Variants in VAV3 observed in about 807,000 individuals in gnomAD.
VAV3 encodes the protein vav guanine nucleotide exchange factor 3.
VAV3 carries 94 observed loss-of-function variants against 131.2 expected under a neutral mutation model. The ratio of observed to expected loss-of-function variants is 0.72; its 90% CI spans 0.61 to 0.85. The LOEUF (loss-of-function observed/expected upper bound fraction) is 0.85, where lower values mean the gene tolerates loss of function less well. Among genes scored for constraint, VAV3 ranks in the 40% least tolerant of loss-of-function variants. The pLI is 0.00. For synonymous variants in VAV3, 349 were observed against 342.0 expected (o/e 1.02, Z -0.22); for missense variants, 939 against 1,002.7 (o/e 0.94, Z 0.86).
At chr1:107,889,161 G>C (rs1321641650) in intron 1 of VAV3, among the ~76,000 whole-genome samples, 2 of 151,830 alleles carry the variant, frequency 1.3e-5, no homozygotes, top group Non-Finnish European at 2.9e-5. Flanking sequence ...GTGTGTGTGT[G>C]TGTGTGTGTC....
chr1:107,891,668 G>C (rs772236144), intron 1 of VAV3, among the ~76,000 whole-genome samples: 3 of 151,778 alleles, frequency 2.0e-5, no homozygotes, highest in African/African-American at 7.3e-5. Context: ...GTGAAACCCC[G>C]TCTCTACTAA....
At chr1:107,845,968 C>A (rs115829153) in intron 2 of VAV3, among the ~76,000 whole-genome samples, 6 of 152,100 alleles carry the variant, frequency 3.9e-5, no homozygotes, top group Non-Finnish European at 7.4e-5. Flanking sequence ...AGATACTCCA[C>A]GAGAAGAGCA....
intron 15 of VAV3, among the ~76,000 whole-genome samples, chr1:107,738,576 A>G (rs1662821880): frequency 6.6e-6 from 1 of 152,164 alleles, no homozygotes; most frequent in African/African-American, 2.4e-5. Context: ...AAGACAAAAA[A>G]CTAAGTTTCT....
chr1:107,777,739 T>C (rs1665447034), intron 3 of VAV3: 1 of 172,084 alleles, frequency 5.8e-6, no homozygotes, highest in African/African-American at 2.4e-5. Context: ...CAATCATCCT[T>C]CCATGGCTCC....
At chr1:107,702,658 G>A (rs1277860521) in intron 17 of VAV3, among the ~76,000 whole-genome samples, 5 of 151,846 alleles carry the variant, frequency 3.3e-5, no homozygotes, top group African/African-American at 9.7e-5. Flanking sequence ...CTTTTATAAC[G>A]TAAAAGTTAA....
intron 2 of VAV3, among the ~76,000 whole-genome samples, chr1:107,837,687 G>A (rs944383458): frequency 6.6e-6 from 1 of 152,112 alleles, no homozygotes; most frequent in Non-Finnish European, 1.5e-5. Flanking sequence ...TACAAAAAGT[G>A]ACACATAGAC....
chr1:107,779,353 G>T, intron 3 of VAV3, 81 bp downstream of exon 3: 4 of 1,291,028 alleles, frequency 3.1e-6, no homozygotes, highest in Non-Finnish European at 4.2e-6. Context: ...TGTGCAAGAT[G>T]CTTCACAAAT....
chr1:107,763,721 G>A (rs201014454), intron 9 of VAV3, among the ~76,000 whole-genome samples: 127 of 152,234 alleles, frequency 8.3e-4, no homozygotes, highest in African/African-American at 1.1e-3. Context: ...AAAAGATCAC[G>A]TATCTAGTAC....
chr1:107,918,700 TA>T (rs1557923319), intron 1 of VAV3, among the ~76,000 whole-genome samples: 3 of 75,900 alleles, frequency 4.0e-5, no homozygotes, highest in East Asian at 4.7e-4. Context: ...TATATATATA[TA>T]TATATTTTTT....
chr1:107,858,497 G>C (rs1669581848), intron 2 of VAV3, among the ~76,000 whole-genome samples: 1 of 152,184 alleles, frequency 6.6e-6, no homozygotes, highest in South Asian at 2.1e-4. Context: ...GTACACAGCA[G>C]GAGGTGAGCA....
intron 15 of VAV3, among the ~76,000 whole-genome samples, chr1:107,728,606 T>TGTATATGTATACGTATAC (rs1662009065): frequency 1.3e-5 from 1 of 79,246 alleles, no homozygotes; most frequent in East Asian, 8.3e-4. Context: ...TATACGTATA[T>TGTATATGTATACGTATAC]GTATATGTAT....
rs2878516 is a variant in VAV3, at chr1:107,863,335, T to G, written c.321+11566A>C. Among the ~76,000 whole-genome samples the G allele has an allele frequency of 2.8e-3, 428 of 152,118 alleles. 4 individuals carry two copies. The highest frequency in any genetic ancestry group is 0.027 in the Middle Eastern group (8 of 294). ...TTAACCAGACTGCCTCAGTTTCAAG[T>G]CTGCTCCTCCTACCACTGGCATTAC... is the stretch of plus-strand genomic sequence containing the variant. On this transcript the variant is annotated intron_variant, in intron 2 of 26. Transcript: ENST00000370056.
rs767485618 is a variant in VAV3 at position 107,751,104 on chromosome 1, CTTCTT to C, written c.1259+8_1259+12del. ...AATTACTTATTTTGAAAATAGTATT[CTTCTT>C]TTCTTACCTTTCTTGTTTGGTATGC... On this transcript the variant is annotated splice_region_variant and intron_variant, in intron 13 of 26. Coordinates refer to ENST00000370056, the MANE Select transcript of VAV3 (RefSeq NM_006113.5). 1.9e-6 allele frequency: 3 copies of C among 1,602,978 alleles called. No individual in the cohort carries two copies. The highest frequency in any genetic ancestry group is 1.7e-5 in the Admixed American group (1 of 57,880).
At chr1:107,943,656 C>T (rs1182457670) in intron 1 of VAV3, among the ~76,000 whole-genome samples, 3 of 152,134 alleles carry the variant, frequency 2.0e-5, no homozygotes, top group Non-Finnish European at 4.4e-5. Flanking sequence ...GCAGGAGAAT[C>T]GCTTGAACCT....
At chr1:107,592,791 C>G (rs960691709) in intron 25 of VAV3, among the ~76,000 whole-genome samples, 1 of 152,090 alleles carries the variant, frequency 6.6e-6, no homozygotes, top group Admixed American at 6.6e-5. Context: ...TGGCAGACCT[C>G]AAAATAATTA....
chr1:107,939,052 A>T (rs940197027), intron 1 of VAV3, among the ~76,000 whole-genome samples: 1 of 152,130 alleles, frequency 6.6e-6, no homozygotes, highest in Non-Finnish European at 1.5e-5. Flanking sequence ...TTATCCTCCC[A>T]TGTGGCAGCC....
rs1649258853 is a variant in VAV3 at position 107,571,525 on chromosome 1, C to G, written c.*1806G>C. On this transcript the variant is annotated 3_prime_UTR_variant, in exon 27 of 27. Transcript: ENST00000370056. ...TACAATACCATCCACAGGAGTGTTTCTGCTTGTGTGAGGCTGCTCCCTCCA... is the reference window on the plus strand; with the variant it reads ...TACAATACCATCCACAGGAGTGTTTGTGCTTGTGTGAGGCTGCTCCCTCCA... 1 of 152,508 alleles carries G rather than the reference C, an allele frequency of 6.6e-6. No individual in the cohort carries two copies. The allele number at this position is 152,508 out of a possible 1,614,324, so 9.4% of individuals were successfully genotyped here.
intron 2 of VAV3, among the ~76,000 whole-genome samples, chr1:107,800,108 C>T (rs1666755471): frequency 1.3e-5 from 2 of 151,998 alleles, no homozygotes; most frequent in African/African-American, 2.4e-5. Flanking sequence ...GCATTTAGGT[C>T]GATTCCATAT....
chr1:107,826,306 G>GT (rs1668010905), intron 2 of VAV3, among the ~76,000 whole-genome samples: 1 of 152,166 alleles, frequency 6.6e-6, no homozygotes, highest in South Asian at 2.1e-4. Context: ...TTTGAAACCT[G>GT]TAAGATTGAA....
Sources: allele counts gnomAD v4.1 joint callset (sites outside exome capture counted in the v4.1 genomes callset), GRCh38; gene constraint gnomAD v4.1.1; transcripts MANE v1.5; gene names NCBI Gene and HGNC (gene_info 2026-07-23, HGNC 2026-07-21).